DOCK9: variants seen among roughly 807,000 people sequenced by gnomAD.
DOCK9 encodes dedicator of cytokinesis 9, also known as dedicator of cytokinesis protein 9.
Under a neutral mutation model 263.3 loss-of-function variants are expected in DOCK9, and 89 were observed. That is an observed-to-expected ratio of 0.34 (90% CI 0.28 to 0.40). The LOEUF (loss-of-function observed/expected upper bound fraction) is 0.40. Ranked by LOEUF, DOCK9 falls within the 10% of genes least tolerant of loss-of-function variation. The probability of loss-of-function intolerance (pLI) is 1.00; values close to 1 mark genes in which losing one functional copy is unlikely to be tolerated. For synonymous variants in DOCK9, 976 were observed against 973.1 expected (o/e 1.00, Z -0.06); for missense variants, 2,140 against 2,603.4 (o/e 0.82, Z 3.87).
rs76947352 is a variant in DOCK9, at chr13:98,976,244, A to G, written c.126+1540T>C. On this transcript the variant is annotated intron_variant, in intron 1 of 52. Coordinates refer to ENST00000682017, the MANE Select transcript of DOCK9 (RefSeq NM_001366683.2). Reference sequence around the variant, plus strand: ...AAGTGTTCCCACCAAATGCAGCTGTAGCCAGCACAGCTTTATCCATTGCAG... The same window carrying G: ...AAGTGTTCCCACCAAATGCAGCTGTGGCCAGCACAGCTTTATCCATTGCAG... Among the ~76,000 whole-genome samples the G allele has an allele frequency of 3.3e-3, 499 of 152,370 alleles. 3 individuals carry two copies. The highest frequency in any genetic ancestry group is 0.012 in the African/African-American group (485 of 41,592).
rs187869049 is a variant in DOCK9 at position 99,014,292 on chromosome 13, A to G, written c.130-58741T>C. On this transcript the variant is annotated intron_variant, in intron 1 of 32. Transcript: ENST00000427887. ...GCGCTACAAGGAGCTAGTCCTTCTA[A>G]TCTCTGATACCAGTTATTCGCAAAA... Among the ~76,000 whole-genome samples, 65 of 152,342 alleles carry G rather than the reference A, an allele frequency of 4.3e-4. No individual in the cohort carries two copies. In the East Asian group the frequency reaches 0.012, roughly 28 times the overall value.
At chr13:99,004,842 A>C (rs1480255222) in intron 1 of DOCK9, among the ~76,000 whole-genome samples, 1 of 151,972 alleles carries the variant, frequency 6.6e-6, no homozygotes, top group Admixed American at 6.6e-5. Context: ...CTTCACACAC[A>C]CATATTCATA....
chr13:99,033,953 T>C (rs559169972), intron 1 of DOCK9, among the ~76,000 whole-genome samples: 172 of 152,344 alleles, frequency 1.1e-3, no homozygotes, highest in African/African-American at 3.9e-3. Context: ...GGCTCTGATA[T>C]GAACACCATG....
At position 98,928,978 on chromosome 13, in the gene DOCK9, C is replaced by T. The variant is rs540606848; in HGVS notation, c.333+1190G>A. 2.0e-5 allele frequency among the ~76,000 whole-genome samples: 3 copies of T among 152,050 alleles called. No individual in the cohort carries two copies. In the South Asian group the frequency reaches 6.2e-4, roughly 32 times the overall value. On this transcript the variant is annotated intron_variant, in intron 3 of 52. Coordinates refer to ENST00000682017, the MANE Select transcript of DOCK9 (RefSeq NM_001366683.2). ...ATTTTATATTTAATTTTTCAAAAAT[C>T]TCAATGGAAATTAAATATTGTTATT...
intron 49 of DOCK9, among the ~76,000 whole-genome samples, chr13:98,802,716 C>A (rs1201249195): frequency 6.6e-6 from 1 of 152,170 alleles, no homozygotes; most frequent in East Asian, 1.9e-4. Context: ...GGGAACTACC[C>A]AGAAAGGTGA....
At chr13:98,924,514 T>C (rs527603750) in intron 4 of DOCK9, among the ~76,000 whole-genome samples, 1 of 152,350 alleles carries the variant, frequency 6.6e-6, no homozygotes, top group Non-Finnish European at 1.5e-5. Context: ...GGTTTGGATA[T>C]GGTTTTTATT....
intron 1 of DOCK9, among the ~76,000 whole-genome samples, chr13:99,028,499 T>C (rs556445355): frequency 2.7e-4 from 41 of 152,250 alleles, no homozygotes; most frequent in Admixed American, 4.6e-4. Context: ...AGAAGAAAGA[T>C]ACAAATCTCA....
intron 1 of DOCK9, among the ~76,000 whole-genome samples, chr13:98,958,518 T>C (rs1394356181): frequency 6.6e-6 from 1 of 152,232 alleles, no homozygotes; most frequent in Non-Finnish European, 1.5e-5. Flanking sequence ...TTGCCAGCCT[T>C]ACAGTTTCTG....
At chr13:98,966,426 GAAATA>G (rs2059204932) in intron 1 of DOCK9, among the ~76,000 whole-genome samples, 2 of 152,136 alleles carry the variant, frequency 1.3e-5, no homozygotes, top group Admixed American at 1.3e-4. Context: ...CATGTGGAAA[GAAATA>G]AAATCAAAAA....
At chr13:98,800,607 G>C (rs2090005434) in intron 49 of DOCK9, 129 bp from the exon 50 acceptor site, 4 of 1,117,234 alleles carry the variant, frequency 3.6e-6, no homozygotes, top group Non-Finnish European at 3.7e-6. Context: ...GGAACCCAAA[G>C]CTTGCCAAAG....
Position 98,977,945 on chromosome 13 carries a change from T to C in DOCK9, c.-36A>G, listed in dbSNP as rs547856558. 3.5e-5 allele frequency: 55 copies of C among 1,549,664 alleles called. 2 individuals carry two copies. In the South Asian group the frequency reaches 6.5e-4, roughly 18 times the overall value. ...AAACGCAAGTCAGAAAGTCTGCAAC[T>C]GGAACAGCTGCGAGTCCCTGGCCGT... On this transcript the variant is annotated 5_prime_UTR_variant, in exon 1 of 53. Transcript: ENST00000682017.
intron 1 of DOCK9, among the ~76,000 whole-genome samples, chr13:99,035,112 G>C (rs1206330414): frequency 6.6e-6 from 1 of 151,858 alleles, no homozygotes; most frequent in Non-Finnish European, 1.5e-5. Context: ...TTCATGTGCA[G>C]GTTTGCTCAA....
intron 39 of DOCK9, 200 bp from the exon 40 acceptor site, chr13:98,831,986 T>A: frequency 1.6e-6 from 1 of 615,134 alleles, no homozygotes; most frequent in South Asian, 2.6e-5. Flanking sequence ...GTTTTGGGGA[T>A]GAACCTCCCA....
chr13:99,038,286 C>CGCCG (rs1888099243), intron 1 of DOCK9, among the ~76,000 whole-genome samples: 1 of 75,828 alleles, frequency 1.3e-5, no homozygotes, highest in African/African-American at 5.7e-5. Context: ...CTTTATGCCC[C>CGCCG]CCTTTTTTTT....
chr13:98,842,072 C>T (rs1467136997), intron 38 of DOCK9, among the ~76,000 whole-genome samples: 6 of 152,182 alleles, frequency 3.9e-5, no homozygotes, highest in Non-Finnish European at 8.8e-5. Context: ...TCTACATTCT[C>T]TGTATTTTTC....
intron 20 of DOCK9, 49 bp from the exon 21 acceptor site, chr13:98,885,141 G>A: frequency 1.9e-6 from 3 of 1,593,430 alleles, no homozygotes; most frequent in Non-Finnish European, 2.6e-6. Context: ...GTGAGTGTAT[G>A]AAAACTTATG....
intron 45 of DOCK9, among the ~76,000 whole-genome samples, chr13:98,815,310 A>C (rs1022517812): frequency 1.3e-5 from 2 of 152,144 alleles, no homozygotes; most frequent in Non-Finnish European, 2.9e-5. Flanking sequence ...TCCCGTGGGG[A>C]AGACATATTG....
chr13:98,968,079 C>T (rs534315230), intron 1 of DOCK9, among the ~76,000 whole-genome samples: 32 of 152,250 alleles, frequency 2.1e-4, no homozygotes, highest in South Asian at 8.3e-4. Flanking sequence ...CTGCACTGAT[C>T]GGTGTGGTAG....
intron 21 of DOCK9, among the ~76,000 whole-genome samples, chr13:98,884,143 TG>T (rs1461838489): frequency 2.0e-5 from 3 of 152,238 alleles, no homozygotes; most frequent in Admixed American, 6.5e-5. Flanking sequence ...TTTGCAGCTG[TG>T]TGAGTTATTG....
Sources: allele counts gnomAD v4.1 joint callset (sites outside exome capture counted in the v4.1 genomes callset), GRCh38; gene constraint gnomAD v4.1.1; transcripts MANE v1.5; gene names NCBI Gene and HGNC (gene_info 2026-07-23, HGNC 2026-07-21).